IL37: variants seen among roughly 807,000 people sequenced by gnomAD.
IL37 encodes interleukin-37.
A neutral mutation model predicts 15.4 loss-of-function variants in IL37; 15 were observed. That is an observed-to-expected ratio of 0.98 (90% CI 0.65 to 1.50). The LOEUF (loss-of-function observed/expected upper bound fraction) is 1.50, where lower values mean the gene tolerates loss of function less well. Among genes scored for constraint, IL37 ranks in the 40% most tolerant of loss-of-function variants. IL37 has a pLI of 0.00. For synonymous variants in IL37, 98 were observed against 97.4 expected (o/e 1.01, Z -0.03); for missense variants, 269 against 261.7 (o/e 1.03, Z -0.19).
At chr2:112,916,651 C>T (rs1683318622) in intron 3 of IL37, among the ~76,000 whole-genome samples, 1 of 152,152 alleles carries the variant, frequency 6.6e-6, no homozygotes, top group African/African-American at 2.4e-5. Context: ...CTAGGCACTG[C>T]TGAGGGAATG....
At chr2:112,913,935 A>C in intron 3 of IL37, 81 bp downstream of exon 3, 1 of 1,163,454 alleles carries the variant, frequency 8.6e-7, no homozygotes, top group Non-Finnish European at 1.3e-6. Flanking sequence ...GTCCTCTTAC[A>C]GGGTGGGAGA....
intron 3 of IL37, 129 bp from the exon 4 acceptor site, chr2:112,917,000 C>A: frequency 1.0e-6 from 1 of 997,084 alleles, no homozygotes; most frequent in Non-Finnish European, 1.5e-6. Flanking sequence ...AAGAAATATT[C>A]AGTGGCTGTG....
Position 112,918,586 on chromosome 2 carries a change from C to T in IL37, c.434C>T (p.Ala145Val), listed in dbSNP as rs752825177. ...LKKEKLMKLA[A>V]QKESARRPFI... Reference sequence around the variant, plus strand: ...AAGGAGAAACTGATGAAGCTGGCTGCCCAAAAGGAATCAGCACGCCGGCCC... The same window carrying T: ...AAGGAGAAACTGATGAAGCTGGCTGTCCAAAAGGAATCAGCACGCCGGCCC... The change falls in exon 6 of 6, where the codon GCC (alanine) becomes GTC (valine). Residue 145 changes from alanine (A) to valine (V), a missense_variant. Physicochemically the swap from Ala to Val is moderately conservative, Grantham distance 64 (BLOSUM62 0). Transcript: ENST00000263326. 1.9e-6 allele frequency: 3 copies of T among 1,612,230 alleles called. No individual in the cohort carries two copies. The highest frequency in any genetic ancestry group is 3.3e-5 in the Admixed American group (2 of 59,902).
intron 1 of IL37, among the ~76,000 whole-genome samples, chr2:112,912,695 C>A (rs934239611): frequency 3.9e-5 from 6 of 152,204 alleles, no homozygotes; most frequent in African/African-American, 1.4e-4. Context: ...GCACTTTTAA[C>A]TTTTTTATTT....
intron 4 of IL37, 89 bp from the exon 5 acceptor site, chr2:112,917,546 G>T: frequency 7.7e-7 from 1 of 1,293,102 alleles, no homozygotes; most frequent in South Asian, 1.4e-5. Flanking sequence ...AAGGGAGAGG[G>T]ACTGTGCATC....
intron 1 of IL37, among the ~76,000 whole-genome samples, chr2:112,912,695 CT>C (rs1199321314): frequency 6.6e-6 from 1 of 152,204 alleles, no homozygotes; most frequent in Non-Finnish European, 1.5e-5. Flanking sequence ...GCACTTTTAA[CT>C]TTTTTATTTT....
intron 3 of IL37, among the ~76,000 whole-genome samples, chr2:112,915,605 G>A (rs1429157905): frequency 6.6e-6 from 1 of 152,144 alleles, no homozygotes; most frequent in African/African-American, 2.4e-5. Flanking sequence ...CAGCTAGCTC[G>A]GTGACTCTCA....
chr2:112,912,065 A>C (rs934139719), intron 1 of IL37, among the ~76,000 whole-genome samples: 8 of 152,180 alleles, frequency 5.3e-5, no homozygotes, highest in Admixed American at 1.3e-4. Context: ...TGAACAATTT[A>C]GTTCCCTTTG....
At position 112,918,610 on chromosome 2, in the gene IL37, C is replaced by A. The variant is rs144279173; in HGVS notation, c.458C>A (p.Pro153His). ...LAAQKESARR[P>H]FIFYRAQVGS... is the part of the protein sequence containing the mutation. ...GCCCAAAAGGAATCAGCACGCCGGC[C>A]CTTCATCTTTTATAGGGCTCAGGTG... Residue 153 changes from proline (P) to histidine (H), a missense_variant, in exon 6 of 6, where the codon CCC becomes CAC. Transcript: ENST00000263326. 724 of 1,613,658 alleles carry A rather than the reference C, an allele frequency of 4.5e-4. 2 individuals are homozygous for A. The highest frequency in any genetic ancestry group is 1.2e-4 in the Non-Finnish European group (142 of 1,179,974).
intron 3 of IL37, chr2:112,915,363 A>G (rs1317732134): frequency 3.1e-6 from 3 of 959,464 alleles, no homozygotes; most frequent in Non-Finnish European, 4.8e-6. Context: ...TGTGAGGCCC[A>G]GGTATCCATG....
chr2:112,917,100 A>G, intron 3 of IL37, 29 bp from the exon 4 acceptor site: 1 of 1,611,238 alleles, frequency 6.2e-7, no homozygotes, highest in Non-Finnish European at 8.5e-7. Flanking sequence ...TTCAATGTGA[A>G]GTGTTGATAT....
At chr2:112,916,681 G>C (rs1192018147) in intron 3 of IL37, among the ~76,000 whole-genome samples, 2 of 152,052 alleles carry the variant, frequency 1.3e-5, no homozygotes, top group Admixed American at 6.5e-5. Context: ...GTCAGAGGGT[G>C]CAAAAAAGAG....
intron 2 of IL37, 138 bp downstream of exon 2, chr2:112,913,232 A>T: frequency 1.9e-6 from 1 of 533,206 alleles, no homozygotes. Context: ...CTGGACAAAT[A>T]ACTAGACAAG....
intron 3 of IL37, chr2:112,915,348 AG>A: frequency 9.6e-7 from 1 of 1,042,996 alleles, no homozygotes; most frequent in Non-Finnish European, 1.4e-6. Context: ...TGAGAATCTC[AG>A]GAGTGTGAGG....
At chr2:112,912,003 C>T (rs2708962) in intron 1 of IL37, among the ~76,000 whole-genome samples, 14,599 of 152,192 alleles carry the variant, frequency 0.096, 910 homozygotes, top group African/African-American at 0.16. Flanking sequence ...TCCTGCTCAC[C>T]GTCCTTATTG....
In IL37 at chr2:112,917,131, C is replaced by A. The variant is rs749293309; in HGVS notation, c.148C>A (p.Pro50Thr). The change falls in exon 4 of 6, where the codon CCA (proline) becomes ACA (threonine). Residue 50 changes from proline to threonine, a missense_variant and splice_region_variant. By Grantham distance (38) the Pro-to-Thr change is conservative. Coordinates refer to ENST00000263326, the MANE Select transcript of IL37 (RefSeq NM_014439.4). ...LPTMNFVHTS[P>T]KVKNLNPKKF... ...GATATCTGGTGATATTGATCTAGGT[C>A]CAAAGGTGAAGAACTTAAACCCGAA... 2 of 1,613,654 alleles carry A rather than the reference C, an allele frequency of 1.2e-6. No individual in the cohort carries two copies. Among genetic ancestry groups the A allele is most frequent in the East Asian group, 4.5e-5 (2 of 44,860 alleles).
intron 5 of IL37, among the ~76,000 whole-genome samples, chr2:112,918,169 C>T (rs541764139): frequency 1.4e-4 from 20 of 143,944 alleles, no homozygotes; most frequent in South Asian, 4.6e-4. Context: ...GGCAGTGTGT[C>T]TGCCCTGCAA....
At chr2:112,917,848 C>T (rs1573315925) in intron 5 of IL37, 71 bp downstream of exon 5, 2 of 1,505,202 alleles carry the variant, frequency 1.3e-6, no homozygotes, top group Non-Finnish European at 1.8e-6. Context: ...CTCAATGCCT[C>T]TCGCTTTCCT....
chr2:112,915,392 C>T (rs774007744), intron 3 of IL37: 7 of 699,864 alleles, frequency 1.0e-5, no homozygotes, highest in Non-Finnish European at 1.7e-5. Flanking sequence ...ATGCCACCCA[C>T]CAGGTGATTC....
Sources: allele counts gnomAD v4.1 joint callset (sites outside exome capture counted in the v4.1 genomes callset), GRCh38; gene constraint gnomAD v4.1.1; transcripts MANE v1.5; gene names NCBI Gene and HGNC (gene_info 2026-07-23, HGNC 2026-07-21).